LRMDA: variants seen among roughly 807,000 people sequenced by gnomAD.
The protein encoded by LRMDA is leucine rich melanocyte differentiation associated.
LRMDA carries 18 observed loss-of-function variants against 29.8 expected under a neutral mutation model. The ratio of observed to expected loss-of-function variants is 0.60; its 90% CI spans 0.42 to 0.90. The LOEUF is 0.90. Ranked by LOEUF, LRMDA falls within the 40% of genes least tolerant of loss-of-function variation. The probability of loss-of-function intolerance (pLI) is 0.00; values close to 1 mark genes in which losing one functional copy is unlikely to be tolerated. For missense variants in LRMDA, 273 were observed against 273.9 expected, an observed-to-expected ratio of 1.00 and a Z score of 0.02; for synonymous variants, 125 against 109.4, an observed-to-expected ratio of 1.14 and a Z score of -0.89.
intron 5 of LRMDA, among the ~76,000 whole-genome samples, chr10:76,200,771 G>A (rs1272615962): frequency 1.3e-5 from 2 of 149,422 alleles, no homozygotes; most frequent in African/African-American, 2.5e-5. Context: ...AGGCTGGAGT[G>A]CAGTGGCACA....
At chr10:75,471,981 C>T (rs1239311156) in intron 2 of LRMDA, among the ~76,000 whole-genome samples, 2 of 152,218 alleles carry the variant, frequency 1.3e-5, no homozygotes, top group South Asian at 2.1e-4. Context: ...CCTTCAGAAA[C>T]CCCTCATCTT....
chr10:75,798,811 A>G (rs1454225249), intron 2 of LRMDA, among the ~76,000 whole-genome samples: 3 of 151,914 alleles, frequency 2.0e-5, no homozygotes, highest in Admixed American at 6.6e-5. Context: ...TCTATTGTTG[A>G]CCCTGATCTG....
intron 6 of LRMDA, among the ~76,000 whole-genome samples, chr10:76,540,682 A>G (rs1415901045): frequency 6.6e-6 from 1 of 152,186 alleles, no homozygotes; most frequent in Non-Finnish European, 1.5e-5. Flanking sequence ...GGATTCACTA[A>G]ACCTTTCTAA....
chr10:76,075,284 T>G (rs10762690), intron 5 of LRMDA, among the ~76,000 whole-genome samples: 74,343 of 151,998 alleles, frequency 0.49, 18,452 homozygotes, highest in African/African-American at 0.52. Context: ...TCTGGCTGTT[T>G]CCCTTATAAG....
At chr10:76,378,848 CTTTTTTTTTCT>C (rs1841553037) in intron 6 of LRMDA, among the ~76,000 whole-genome samples, 1 of 57,762 alleles carries the variant, frequency 1.7e-5, no homozygotes, top group Non-Finnish European at 3.7e-5. Flanking sequence ...CTCTCTTTTT[CTTTTTTTTTCT>C]TTTTTTTTTT....
chr10:75,448,491 G>T (rs141309685), intron 2 of LRMDA, among the ~76,000 whole-genome samples: 5 of 152,270 alleles, frequency 3.3e-5, no homozygotes, highest in South Asian at 2.1e-4. Context: ...GGAGACTGGA[G>T]AATTTAACCC....
At chr10:76,114,476 C>T (rs1039889480) in intron 5 of LRMDA, among the ~76,000 whole-genome samples, 11 of 152,168 alleles carry the variant, frequency 7.2e-5, no homozygotes, top group Non-Finnish European at 1.3e-4. Flanking sequence ...AAAAAGGGCC[C>T]ATCCTGGAAC....
At chr10:75,679,987 A>T (rs1296116199) in intron 2 of LRMDA, among the ~76,000 whole-genome samples, 3 of 152,248 alleles carry the variant, frequency 2.0e-5, no homozygotes, top group African/African-American at 7.2e-5. Flanking sequence ...ATGAGCCAGA[A>T]ACGCAGTCAG....
At chr10:75,599,308 A>G (rs1010558927) in intron 2 of LRMDA, among the ~76,000 whole-genome samples, 6 of 152,132 alleles carry the variant, frequency 3.9e-5, no homozygotes, top group Admixed American at 1.3e-4. Flanking sequence ...AAAAATGACA[A>G]TGCTGGCTCC....
At chr10:75,691,780 G>C (rs1842162272) in intron 2 of LRMDA, among the ~76,000 whole-genome samples, 1 of 152,168 alleles carries the variant, frequency 6.6e-6, no homozygotes, top group East Asian at 1.9e-4. Context: ...AGCTAAGGAA[G>C]TTTTTTAACC....
chr10:76,432,830 C>G (rs949689805), intron 6 of LRMDA, among the ~76,000 whole-genome samples: 2 of 152,132 alleles, frequency 1.3e-5, no homozygotes, highest in African/African-American at 4.8e-5. Flanking sequence ...GTGGCTTCCA[C>G]GGGCCGAGGG....
chr10:75,451,610 G>A (rs1239732025), intron 2 of LRMDA: 1 of 152,138 alleles, frequency 6.6e-6, no homozygotes, highest in African/African-American at 2.4e-5. Context: ...TTTTCTTGGG[G>A]TAGGGGAAGT....
At chr10:75,483,770 A>G (rs963436990) in intron 2 of LRMDA, among the ~76,000 whole-genome samples, 4 of 151,674 alleles carry the variant, frequency 2.6e-5, no homozygotes, top group East Asian at 3.9e-4. Flanking sequence ...TTGGGAGCGT[A>G]TAATTGTATC....
intron 2 of LRMDA, among the ~76,000 whole-genome samples, chr10:75,809,377 C>T (rs1344498274): frequency 6.6e-6 from 1 of 152,186 alleles, no homozygotes; most frequent in East Asian, 1.9e-4. Flanking sequence ...GGTGCAGTGG[C>T]TCATGCCTGT....
At chr10:75,656,085 G>A (rs1188027789) in intron 2 of LRMDA, among the ~76,000 whole-genome samples, 1 of 152,196 alleles carries the variant, frequency 6.6e-6, no homozygotes, top group East Asian at 1.9e-4. Flanking sequence ...TTTAGTTTGT[G>A]TTTTAATTGT....
chr10:75,699,932 T>C (rs921321418), intron 2 of LRMDA, among the ~76,000 whole-genome samples: 3 of 152,060 alleles, frequency 2.0e-5, no homozygotes, highest in Non-Finnish European at 4.4e-5. Context: ...GAGGCAGAAA[T>C]TGGAGTGAGT....
At chr10:76,394,137 AC>A (rs1312884484) in intron 6 of LRMDA, among the ~76,000 whole-genome samples, 4 of 152,230 alleles carry the variant, frequency 2.6e-5, no homozygotes, top group African/African-American at 9.6e-5. Flanking sequence ...ATGTGATGCA[AC>A]AACAAGGGAG....
At chr10:75,452,832 A>G (rs1451369910) in intron 2 of LRMDA, among the ~76,000 whole-genome samples, 1 of 152,164 alleles carries the variant, frequency 6.6e-6, no homozygotes, top group East Asian at 1.9e-4. Flanking sequence ...AGCTGCCTGT[A>G]TTTTATTTCA....
At chr10:75,462,505 T>A (rs1434792531) in intron 2 of LRMDA, among the ~76,000 whole-genome samples, 1 of 152,188 alleles carries the variant, frequency 6.6e-6, no homozygotes, top group Non-Finnish European at 1.5e-5. Flanking sequence ...AGATACTGTA[T>A]AAAGATAAAA....
Sources: allele counts gnomAD v4.1 joint callset (sites outside exome capture counted in the v4.1 genomes callset), GRCh38; gene constraint gnomAD v4.1.1; transcripts MANE v1.5; gene names NCBI Gene and HGNC (gene_info 2026-07-23, HGNC 2026-07-21).